The following MAD1L1 variants were observed in gnomAD, a reference collection of about 807,000 sequenced individuals.
MAD1L1 encodes mitotic spindle assembly checkpoint protein MAD1.
A neutral mutation model predicts 96.9 loss-of-function variants in MAD1L1; 95 were observed. The observed-to-expected ratio is 0.98, with a 90% CI of 0.83 to 1.16. MAD1L1 has a LOEUF of 1.16. Among genes scored for constraint, MAD1L1 ranks in the 50% most tolerant of loss-of-function variants. MAD1L1 has a pLI of 0.00. For missense variants in MAD1L1, 1,007 were observed against 954.4 expected, an observed-to-expected ratio of 1.06 and a Z score of -0.73; for synonymous variants, 473 against 396.6, an observed-to-expected ratio of 1.19 and a Z score of -2.29.
At chr7:2,023,781 T>C (rs1782884086) in intron 12 of MAD1L1, among the ~76,000 whole-genome samples, 2 of 152,054 alleles carry the variant, frequency 1.3e-5, no homozygotes, top group South Asian at 2.1e-4. Context: ...AAACCCCATC[T>C]CTACTAAAAA....
intron 12 of MAD1L1, among the ~76,000 whole-genome samples, chr7:2,067,056 C>A (rs948239557): frequency 6.6e-6 from 1 of 152,202 alleles, no homozygotes; most frequent in Non-Finnish European, 1.5e-5. Context: ...AAGTGCTGCC[C>A]GCCTGGCCGG....
At chr7:2,031,980 C>T (rs1783247914) in intron 12 of MAD1L1, among the ~76,000 whole-genome samples, 1 of 152,218 alleles carries the variant, frequency 6.6e-6, no homozygotes, top group African/African-American at 2.4e-5. Flanking sequence ...ATTAGATGGA[C>T]TTGGTCTTCT....
chr7:1,826,398 C>A (rs1221305899), intron 18 of MAD1L1, among the ~76,000 whole-genome samples: 1 of 152,190 alleles, frequency 6.6e-6, no homozygotes, highest in African/African-American at 2.4e-5. Context: ...CTGACTCCCC[C>A]GCTCATGGCC....
chr7:1,905,875 C>A (rs1787595212), intron 17 of MAD1L1, among the ~76,000 whole-genome samples: 1 of 152,052 alleles, frequency 6.6e-6, no homozygotes, highest in Admixed American at 6.6e-5. Context: ...CATGGTGAAA[C>A]CCTGTCTCTA....
intron 11 of MAD1L1, among the ~76,000 whole-genome samples, chr7:2,092,194 T>C (rs2895202): frequency 0.3 from 45,356 of 152,164 alleles, 8,346 homozygotes; most frequent in East Asian, 0.51. Flanking sequence ...CCACAGTGTG[T>C]GGCCATGTCT....
chr7:2,173,419 G>A (rs1421528840), intron 10 of MAD1L1, among the ~76,000 whole-genome samples: 1 of 152,182 alleles, frequency 6.6e-6, no homozygotes, highest in Admixed American at 6.5e-5. Context: ...AGGCCACAAA[G>A]GAAACCATGG....
intron 17 of MAD1L1, among the ~76,000 whole-genome samples, chr7:1,921,189 G>A (rs73050123): frequency 0.049 from 7,503 of 152,300 alleles, 272 homozygotes; most frequent in Admixed American, 0.1. Context: ...CGGCCCTGAG[G>A]CGCCCTTCCC....
At chr7:2,157,087 A>C (rs1226433365) in intron 10 of MAD1L1, among the ~76,000 whole-genome samples, 2 of 152,234 alleles carry the variant, frequency 1.3e-5, no homozygotes, top group Admixed American at 1.3e-4. Flanking sequence ...GAATTCTGGA[A>C]ACTCGAACAC....
chr7:1,976,434 T>C (rs543933579), intron 15 of MAD1L1, among the ~76,000 whole-genome samples: 1 of 152,116 alleles, frequency 6.6e-6, no homozygotes, highest in Admixed American at 6.5e-5. Context: ...GCAGCACGTC[T>C]GGAGTTGTTC....
At chr7:2,164,302 C>T (rs1048722159) in intron 10 of MAD1L1, among the ~76,000 whole-genome samples, 14 of 152,186 alleles carry the variant, frequency 9.2e-5, no homozygotes, top group Non-Finnish European at 2.1e-4. Context: ...AACAGCCTGG[C>T]ACAGCAGAAA....
intron 10 of MAD1L1, among the ~76,000 whole-genome samples, chr7:2,182,111 C>A (rs1562348218): frequency 6.6e-6 from 1 of 151,772 alleles, no homozygotes; most frequent in African/African-American, 2.4e-5. Context: ...CCACGTTCCC[C>A]AAAAACTATT....
chr7:2,100,383 G>A (rs535392945), intron 11 of MAD1L1, among the ~76,000 whole-genome samples: 33 of 152,326 alleles, frequency 2.2e-4, no homozygotes, highest in African/African-American at 7.7e-4. Flanking sequence ...ACAGCCAGGC[G>A]CTTCTGAGCG....
intron 12 of MAD1L1, among the ~76,000 whole-genome samples, chr7:2,033,870 C>T (rs376698820): frequency 2.6e-4 from 40 of 152,224 alleles, no homozygotes; most frequent in African/African-American, 8.9e-4. Flanking sequence ...TGTGAGAGGC[C>T]GAGGCAGGAG....
intron 12 of MAD1L1, among the ~76,000 whole-genome samples, chr7:2,051,776 G>A (rs1269562044): frequency 3.9e-5 from 4 of 102,368 alleles, no homozygotes; most frequent in Non-Finnish European, 5.9e-5. Flanking sequence ...GCTGCCCTGC[G>A]CCCGCCAGGT....
intron 7 of MAD1L1, among the ~76,000 whole-genome samples, chr7:2,217,191 G>C (rs750229657): frequency 5.0e-4 from 76 of 152,308 alleles, no homozygotes; most frequent in Non-Finnish European, 9.4e-4. Flanking sequence ...TTTTCCCTAC[G>C]GTACCCAGTC....
intron 13 of MAD1L1, among the ~76,000 whole-genome samples, chr7:2,002,643 G>A (rs1228837821): frequency 6.6e-6 from 1 of 152,158 alleles, no homozygotes; most frequent in African/African-American, 2.4e-5. Flanking sequence ...AGGGTCTCCT[G>A]CCCCGACACA....
intron 10 of MAD1L1, among the ~76,000 whole-genome samples, chr7:2,201,088 G>C (rs1382804882): frequency 6.6e-6 from 1 of 152,226 alleles, no homozygotes; most frequent in Non-Finnish European, 1.5e-5. Context: ...TGATCCTGTA[G>C]AGGTCACACC....
Position 2,026,007 on chromosome 7 carries a change from AATTAG to A in MAD1L1, c.1219-11370_1219-11366del, listed in dbSNP as rs147146723. On this transcript the variant is annotated intron_variant, in intron 12 of 18. Coordinates refer to ENST00000265854, the MANE Select transcript of MAD1L1 (RefSeq NM_001013836.2). ...ATGTATCATTAATTACATCAGTTAC[AATTAG>A]ATTAAATATTTCGACTAAGAAATGA... Among the ~76,000 whole-genome samples the A allele has an allele frequency of 7.1e-3, 1,083 of 152,298 alleles. 11 individuals carry two copies. The highest frequency in any genetic ancestry group is 0.025 in the African/African-American group (1,019 of 41,564).
At chr7:1,873,901 C>T (rs527646146) in intron 18 of MAD1L1, among the ~76,000 whole-genome samples, 54 of 152,326 alleles carry the variant, frequency 3.5e-4, no homozygotes, top group Admixed American at 7.2e-4. Flanking sequence ...CTGAGCCCAT[C>T]AAGTCGGCAC....
Sources: gnomAD v4.1 joint callset for allele counts (sites outside exome capture counted in the v4.1 genomes callset) on GRCh38, gnomAD v4.1.1 for gene constraint, MANE v1.5 for transcripts, NCBI Gene and HGNC (gene_info 2026-07-23, HGNC 2026-07-21) for gene names.